EIF2AK4: variants seen among roughly 807,000 people sequenced by gnomAD.
EIF2AK4 encodes eIF-2-alpha kinase GCN2.
EIF2AK4 carries 139 observed loss-of-function variants against 211.1 expected under a neutral mutation model. The ratio of observed to expected loss-of-function variants is 0.66; its 90% CI spans 0.57 to 0.76. The LOEUF (loss-of-function observed/expected upper bound fraction) is 0.76. EIF2AK4 is among the 30% of genes least tolerant of loss of function. The pLI, the probability that EIF2AK4 is intolerant of heterozygous loss-of-function variation, is 0.00. For missense variants in EIF2AK4, 1,664 were observed against 2,043.8 expected (o/e 0.81, Z 3.58); for synonymous variants, 710 against 751.3 (o/e 0.94, Z 0.90).
chr15:39,940,675 G>C (rs932914917), intron 2 of EIF2AK4, among the ~76,000 whole-genome samples: 1 of 152,040 alleles, frequency 6.6e-6, no homozygotes, highest in Non-Finnish European at 1.5e-5. Flanking sequence ...TTAAAAGAGT[G>C]CCTCTCTAGG....
At chr15:39,965,056 C>T (rs1387406762) in intron 7 of EIF2AK4, among the ~76,000 whole-genome samples, 1 of 152,216 alleles carries the variant, frequency 6.6e-6, no homozygotes, top group African/African-American at 2.4e-5. Flanking sequence ...CCAGTAGACA[C>T]AGTCAGCAAA....
At chr15:39,956,004 C>CTT (rs11320320) in intron 6 of EIF2AK4, among the ~76,000 whole-genome samples, 12 of 103,524 alleles carry the variant, frequency 1.2e-4, no homozygotes, top group Non-Finnish European at 1.7e-4. Flanking sequence ...TGCTCATTCC[C>CTT]TTTTTTTTTT....
At chr15:39,964,344 ATTATT>A (rs1169801229) in intron 7 of EIF2AK4, among the ~76,000 whole-genome samples, 6 of 152,224 alleles carry the variant, frequency 3.9e-5, no homozygotes, top group Non-Finnish European at 8.8e-5. Context: ...ATGGAAAACT[ATTATT>A]TATATAAGAG....
At chr15:39,960,860 A>G (rs2034462255) in intron 6 of EIF2AK4, among the ~76,000 whole-genome samples, 1 of 152,182 alleles carries the variant, frequency 6.6e-6, no homozygotes, top group Admixed American at 6.5e-5. Flanking sequence ...TATAGGAGGA[A>G]CAATAGAAAT....
intron 27 of EIF2AK4, among the ~76,000 whole-genome samples, chr15:40,012,599 T>G (rs573751877): frequency 6.6e-6 from 1 of 152,094 alleles, no homozygotes; most frequent in Admixed American, 6.5e-5. Flanking sequence ...CTCAGTTCAA[T>G]GATTCTATAC....
rs970950632 is a variant in EIF2AK4 at position 39,952,977 on chromosome 15, A to C, written c.514-927A>C. Among the ~76,000 whole-genome samples the C allele has an allele frequency of 3.3e-5, 5 of 152,140 alleles. No homozygotes were observed. The East Asian group carries it at 9.6e-4, about 29-fold the overall frequency. On this transcript the variant is annotated intron_variant, in intron 4 of 38. Transcript: ENST00000263791. ...ATTCTCCTGCCTCAGCCTCCCGAGT[A>C]GCTGGGATTACAGGCACCCACCACC...
At chr15:39,985,734 C>A in intron 13 of EIF2AK4, 71 bp from the exon 14 acceptor site, 1 of 1,486,026 alleles carries the variant, frequency 6.7e-7, no homozygotes, top group Non-Finnish European at 9.3e-7. Context: ...GGCACAAATA[C>A]TTAATGATGG....
chr15:40,001,173 G>GC lies in EIF2AK4; in HGVS notation c.3109dup (p.Gln1037ProfsTer12). On this transcript the variant is annotated frameshift_variant, in exon 21 of 39. Coordinates refer to ENST00000263791, the MANE Select transcript of EIF2AK4 (RefSeq NM_001013703.4). LOFTEE classifies it high-confidence loss of function. ...GCACCATGATGGCCCAGATCTTCTC[G>GC]CAGCGCATCTCCCCTGCCATCGATT... 1 of 1,613,994 alleles carries GC rather than the reference G, an allele frequency of 6.2e-7. No individual in the cohort carries two copies. Among genetic ancestry groups the GC allele is most frequent in the Non-Finnish European group, 8.5e-7 (1 of 1,180,004 alleles).
At chr15:39,970,707 A>G (rs2034611830) in intron 9 of EIF2AK4, among the ~76,000 whole-genome samples, 1 of 152,210 alleles carries the variant, frequency 6.6e-6, no homozygotes, top group Admixed American at 6.5e-5. Context: ...AATCTCTACA[A>G]TGAGACACCC....
chr15:40,034,922 G>A, intron 38 of EIF2AK4, 105 bp from the exon 39 acceptor site: 1 of 828,760 alleles, frequency 1.2e-6, no homozygotes, highest in Non-Finnish European at 1.8e-6. Flanking sequence ...CTTCCATCTT[G>A]TTTTTGCTTA....
Position 40,029,424 on chromosome 15 carries a change from T to A in EIF2AK4, c.4521T>A (p.Leu1507=). 6.2e-7 allele frequency: 1 copy of A among 1,613,176 alleles called. No homozygotes were observed. The part of the protein sequence containing the change: ...ERNGREASDN[L]AVQNLKGSFS... ...TTTTTAGAGAAGCTTCCGATAATCT[T>A]GCAGTGCAAAATCTGAAGGGGTCAT... The change falls in exon 34 of 39, where the codon CTT becomes CTA. Residue 1507 remains leucine (L), a synonymous_variant. Transcript: ENST00000263791.
chr15:40,000,606 A>G (rs2035076541), intron 20 of EIF2AK4, among the ~76,000 whole-genome samples: 1 of 152,226 alleles, frequency 6.6e-6, no homozygotes, highest in African/African-American at 2.4e-5. Flanking sequence ...AGCAGTTATT[A>G]TGCATTACAA....
At position 39,939,513 on chromosome 15, in the gene EIF2AK4, G is replaced by A; in HGVS notation, c.153G>A (p.Glu51=). Residue 51 remains glutamate, a synonymous_variant, in exon 2 of 39, where the codon GAG becomes GAA. Coordinates refer to ENST00000263791, the MANE Select transcript of EIF2AK4 (RefSeq NM_001013703.4). ...LRPDACGPVK[E]PPEINLVLYP... is the part of the protein sequence containing the mutation. ...TGTTTTTCCTCTTTTAGGTCAAAGA[G>A]CCCCCTGAAATCAATTTAGTTTTGT... The A allele has an allele frequency of 1.3e-6, 2 of 1,597,176 alleles. No homozygotes were observed. Among genetic ancestry groups the A allele is most frequent in the Middle Eastern group, 1.7e-4 (1 of 5,988 alleles).
intron 20 of EIF2AK4, among the ~76,000 whole-genome samples, chr15:40,000,266 G>A (rs1400995836): frequency 6.6e-6 from 1 of 152,064 alleles, no homozygotes; most frequent in African/African-American, 2.4e-5. Context: ...CCTAATACTG[G>A]AAGGAGAGTG....
intron 16 of EIF2AK4, chr15:39,991,972 CT>C (rs1161483380): frequency 2.1e-6 from 1 of 475,078 alleles, no homozygotes; most frequent in Non-Finnish European, 3.7e-6. Context: ...GATTGCCCCC[CT>C]CCCTCTTGAT....
intron 1 of EIF2AK4, among the ~76,000 whole-genome samples, chr15:39,937,954 T>C (rs1428129959): frequency 1.3e-5 from 2 of 152,260 alleles, no homozygotes; most frequent in Non-Finnish European, 2.9e-5. Context: ...AGTCTCTTTT[T>C]TTCCTTGCCT....
rs773850434 is a variant in EIF2AK4, at chr15:39,976,854, C to T, written c.2249+10C>T. 1.4e-6 allele frequency: 2 copies of T among 1,461,008 alleles called. No individual in the cohort carries two copies. The highest frequency in any genetic ancestry group is 2.9e-5 in the South Asian group (2 of 69,610). 90.5% of individuals were successfully genotyped at this position (1,461,008 alleles called of 1,614,324 possible). ...TCTCCCAGTCCTTCCTGTAAGCGCA[C>T]GGCGCGGACCAGCTGCCTCTGATGC... On this transcript the variant is annotated intron_variant, in intron 12 of 38. Transcript: ENST00000263791.
At chr15:39,996,448 T>C (rs955475463) in intron 18 of EIF2AK4, among the ~76,000 whole-genome samples, 9 of 152,244 alleles carry the variant, frequency 5.9e-5, no homozygotes, top group Admixed American at 5.9e-4. Flanking sequence ...CTCATGCCTG[T>C]AATCCCAGCA....
At chr15:39,948,996 G>A (rs2034267337) in intron 3 of EIF2AK4, 120 bp from the exon 4 acceptor site, 1 of 1,190,620 alleles carries the variant, frequency 8.4e-7, no homozygotes, top group Admixed American at 2.0e-5. Context: ...ATATCAAAAT[G>A]AATAATGGCA....
Sources: gnomAD v4.1 joint callset for allele counts (sites outside exome capture counted in the v4.1 genomes callset) on GRCh38, gnomAD v4.1.1 for gene constraint, MANE v1.5 for transcripts, NCBI Gene and HGNC (gene_info 2026-07-23, HGNC 2026-07-21) for gene names.